The following TENM1 variants were observed in gnomAD, a reference collection of about 807,000 sequenced individuals.
The protein encoded by TENM1 is teneurin transmembrane protein 1, also known as teneurin-1.
Under a neutral mutation model 174.8 loss-of-function variants are expected in TENM1, and 35 were observed. The observed-to-expected ratio is 0.20, with a 90% CI of 0.15 to 0.27. TENM1 has a LOEUF of 0.27. Among genes scored for constraint, TENM1 ranks in the 10% least tolerant of loss-of-function variants. The pLI, the probability that TENM1 is intolerant of heterozygous loss-of-function variation, is 1.00. For missense variants in TENM1, 1,633 were observed against 2,130.1 expected, an observed-to-expected ratio of 0.77 and a Z score of 4.59; for synonymous variants, 781 against 798.7, an observed-to-expected ratio of 0.98 and a Z score of 0.37.
chrX:124,645,393 A>G (rs2051132582), intron 9 of TENM1, 56 bp from the exon 13 acceptor site: 1 of 1,094,510 alleles, frequency 9.1e-7, no homozygotes, highest in African/African-American at 1.8e-5. Context: ...AAGTCTCCAA[A>G]GAGCAATTCT....
At chrX:124,863,597 C>T (rs915537992) in intron 3 of TENM1, among the ~76,000 whole-genome samples, 1 of 111,941 alleles carries the variant, frequency 8.9e-6, no homozygotes, top group Non-Finnish European at 1.9e-5. Flanking sequence ...AGCTCAGCTA[C>T]AATACAATAG....
At chrX:125,040,763 A>G in the TENM1 span, among the ~76,000 whole-genome samples, 7 of 111,500 alleles carry the variant, frequency 6.3e-5, no homozygotes, top group Non-Finnish European at 1.3e-4. Context: ...ATTTTGCAAT[A>G]TATAACATCC....
At chrX:124,765,991 A>G (rs972799251) in intron 3 of TENM1, among the ~76,000 whole-genome samples, 1 of 112,233 alleles carries the variant, frequency 8.9e-6, no homozygotes, top group African/African-American at 3.2e-5. Context: ...CATGAAATAC[A>G]TAACTATGAA....
the TENM1 span, among the ~76,000 whole-genome samples, chrX:125,124,534 C>T: frequency 8.9e-6 from 1 of 111,851 alleles, no homozygotes; most frequent in African/African-American, 3.2e-5. Context: ...GACTAGGAAG[C>T]AGCTTTATTA....
chrX:124,836,242 T>A (rs1383959374), intron 3 of TENM1, among the ~76,000 whole-genome samples: 3 of 111,515 alleles, frequency 2.7e-5, no homozygotes, highest in African/African-American at 9.8e-5. Context: ...ATTTTTAAAG[T>A]ACCATCTATC....
chrX:124,501,103 A>C (rs980022399), intron 19 of TENM1, among the ~76,000 whole-genome samples: 1 of 111,685 alleles, frequency 9.0e-6, no homozygotes, highest in African/African-American at 3.2e-5. Context: ...ACTGCCAGGA[A>C]ACCCTAGGGG....
chrX:124,678,754 T>G (rs1274225932), intron 5 of TENM1, among the ~76,000 whole-genome samples: 1 of 111,318 alleles, frequency 9.0e-6, no homozygotes, highest in Admixed American at 9.6e-5. Flanking sequence ...GCCTACAAAA[T>G]TATCTTCAAA....
chrX:124,835,090 G>A (rs947846002), intron 3 of TENM1, among the ~76,000 whole-genome samples: 10 of 111,727 alleles, frequency 9.0e-5, no homozygotes, highest in Non-Finnish European at 3.8e-5. Context: ...ACTAGCCTTA[G>A]TTTCTTCAAT....
intron 18 of TENM1, among the ~76,000 whole-genome samples, chrX:124,507,631 T>C (rs2047480742): frequency 8.9e-6 from 1 of 111,988 alleles, no homozygotes; most frequent in Admixed American, 9.5e-5. Flanking sequence ...GCAGCAGCAT[T>C]TGTATGACAT....
intron 23 of TENM1, among the ~76,000 whole-genome samples, chrX:124,451,970 T>G (rs1180493305): frequency 8.9e-6 from 1 of 112,038 alleles, no homozygotes; most frequent in African/African-American, 3.3e-5. Context: ...GGGCAAGGAC[T>G]TCATGTCTAA....
the TENM1 span, among the ~76,000 whole-genome samples, chrX:125,023,903 A>G: frequency 3.6e-5 from 4 of 112,185 alleles, no homozygotes; most frequent in Non-Finnish European, 5.6e-5. Flanking sequence ...AATAACCCCA[A>G]TAAAAAGTGG....
At chrX:125,155,719 G>C in the TENM1 span, among the ~76,000 whole-genome samples, 12 of 112,959 alleles carry the variant, frequency 1.1e-4, no homozygotes, top group South Asian at 3.6e-4. Flanking sequence ...ACTGGCCCAG[G>C]TGCTAAGCCC....
chrX:124,773,144 C>T (rs1441394346), intron 3 of TENM1, among the ~76,000 whole-genome samples: 1 of 111,843 alleles, frequency 8.9e-6, no homozygotes, highest in Admixed American at 9.5e-5. Context: ...GATACAATGG[C>T]AAGCTTGGTT....
At chrX:124,455,504 A>G (rs1333406824) in intron 22 of TENM1, among the ~76,000 whole-genome samples, 1 of 111,608 alleles carries the variant, frequency 9.0e-6, no homozygotes, top group Non-Finnish European at 1.9e-5. Context: ...TGACCACTAT[A>G]TTAAATATCG....
chrX:124,633,504 C>T (rs969636580), intron 11 of TENM1, among the ~76,000 whole-genome samples: 5 of 111,149 alleles, frequency 4.5e-5, no homozygotes, highest in African/African-American at 9.8e-5. Flanking sequence ...AATGGTATAA[C>T]GTGTGGTTTT....
the TENM1 span, among the ~76,000 whole-genome samples, chrX:125,146,233 C>A: frequency 9.0e-6 from 1 of 110,578 alleles, no homozygotes; most frequent in African/African-American, 3.3e-5. Context: ...TGAAATTGGG[C>A]AAAATGGTGG....
At chrX:124,617,580 T>G (rs2050425119) in intron 11 of TENM1, among the ~76,000 whole-genome samples, 1 of 111,919 alleles carries the variant, frequency 8.9e-6, no homozygotes, top group Non-Finnish European at 1.9e-5. Context: ...CTTTGACATA[T>G]CCTGTCTCTC....
chrX:124,400,294 A>G (rs1417988056), intron 27 of TENM1, among the ~76,000 whole-genome samples: 1 of 111,385 alleles, frequency 9.0e-6, no homozygotes, highest in Non-Finnish European at 1.9e-5. Context: ...GACCAAGGCA[A>G]TTTCTCAGAA....
At chrX:124,740,815 A>T (rs1316424930) in intron 3 of TENM1, among the ~76,000 whole-genome samples, 3 of 111,472 alleles carry the variant, frequency 2.7e-5, no homozygotes, top group Non-Finnish European at 5.7e-5. Context: ...AAAATACATT[A>T]GTGTTCAGTG....
Sources: gnomAD v4.1 joint callset for allele counts (sites outside exome capture counted in the v4.1 genomes callset) on GRCh38, gnomAD v4.1.1 for gene constraint, MANE v1.5 for transcripts, NCBI Gene and HGNC (gene_info 2026-07-23, HGNC 2026-07-21) for gene names.